The following CDH9 variants were observed in gnomAD, a reference collection of about 807,000 sequenced individuals.
CDH9 encodes cadherin 9.
CDH9 carries 28 observed loss-of-function variants against 70.9 expected under a neutral mutation model. The observed-to-expected ratio is 0.40, with a 90% confidence interval of 0.29 to 0.54. CDH9 has a LOEUF of 0.54. Ranked by LOEUF, CDH9 falls within the 20% of genes least tolerant of loss-of-function variation. The pLI, the probability that CDH9 is intolerant of heterozygous loss-of-function variation, is 0.59. For synonymous variants in CDH9, 409 were observed against 343.1 expected (o/e 1.19, Z -2.12); for missense variants, 874 against 984.4 (o/e 0.89, Z 1.50).
intron 2 of CDH9, among the ~76,000 whole-genome samples, chr5:26,974,103 G>T (rs920172070): frequency 1.3e-5 from 2 of 152,038 alleles, no homozygotes; most frequent in Admixed American, 1.3e-4. Flanking sequence ...AATTAGCCGG[G>T]CATGATAGTG....
chr5:26,967,845 T>C (rs1394027518), intron 2 of CDH9, among the ~76,000 whole-genome samples: 1 of 151,974 alleles, frequency 6.6e-6, no homozygotes, highest in Non-Finnish European at 1.5e-5. Context: ...GGACTACAGA[T>C]GTCAGGTGCC....
chr5:26,916,707 T>C (rs1741155682), intron 2 of CDH9, among the ~76,000 whole-genome samples: 1 of 152,016 alleles, frequency 6.6e-6, no homozygotes, highest in Admixed American at 6.6e-5. Flanking sequence ...GGGGAACTAC[T>C]GTAGAACATT....
chr5:26,884,502 C>T (rs1310042347), intron 11 of CDH9, among the ~76,000 whole-genome samples: 1 of 152,086 alleles, frequency 6.6e-6, no homozygotes, highest in Non-Finnish European at 1.5e-5. Flanking sequence ...AGGAGTTGAA[C>T]TCTCTAGCAG....
intron 3 of CDH9, among the ~76,000 whole-genome samples, chr5:26,914,067 A>G (rs1021897736): frequency 2.6e-5 from 4 of 152,010 alleles, no homozygotes; most frequent in African/African-American, 9.7e-5. Flanking sequence ...TTCACATTTA[A>G]AATAATTATT....
chr5:26,926,544 C>T (rs964235110), intron 2 of CDH9, among the ~76,000 whole-genome samples: 13 of 151,944 alleles, frequency 8.6e-5, no homozygotes, highest in Non-Finnish European at 1.6e-4. Context: ...TCAATGCCAT[C>T]CCCATCAAGC....
intron 7 of CDH9, among the ~76,000 whole-genome samples, chr5:26,897,212 C>T (rs62346384): frequency 0.22 from 33,370 of 151,784 alleles, 3,864 homozygotes; most frequent in South Asian, 0.36. Flanking sequence ...CAAGAACAGA[C>T]GGATTCACAG....
intron 2 of CDH9, among the ~76,000 whole-genome samples, chr5:26,958,413 TC>T (rs1383253286): frequency 6.6e-6 from 1 of 152,148 alleles, no homozygotes; most frequent in Non-Finnish European, 1.5e-5. Flanking sequence ...AACGATGACC[TC>T]CCCGTTTGCC....
intron 1 of CDH9, among the ~76,000 whole-genome samples, chr5:27,031,838 C>T (rs1249621542): frequency 1.3e-5 from 2 of 151,900 alleles, no homozygotes; most frequent in African/African-American, 4.8e-5. Context: ...TAGGTTTCAA[C>T]ATTAATCTTT....
intron 1 of CDH9, among the ~76,000 whole-genome samples, chr5:27,010,222 T>C (rs967325473): frequency 9.2e-5 from 14 of 152,132 alleles, no homozygotes; most frequent in Non-Finnish European, 1.8e-4. Context: ...ACAGCACTTA[T>C]ATCAATGTTT....
intron 1 of CDH9, among the ~76,000 whole-genome samples, chr5:27,011,960 G>C (rs1318239704): frequency 6.6e-6 from 1 of 151,720 alleles, no homozygotes; most frequent in African/African-American, 2.4e-5. Context: ...AGAAAGTCTA[G>C]AAAAAATGCT....
intron 11 of CDH9, among the ~76,000 whole-genome samples, chr5:26,885,199 T>C (rs1299778859): frequency 6.6e-6 from 1 of 152,174 alleles, no homozygotes; most frequent in African/African-American, 2.4e-5. Context: ...GTAATCTGTG[T>C]TTGAATACTA....
intron 2 of CDH9, among the ~76,000 whole-genome samples, chr5:26,969,187 A>G (rs1742177061): frequency 6.6e-6 from 1 of 152,210 alleles, no homozygotes; most frequent in African/African-American, 2.4e-5. Flanking sequence ...TTTATTGAGT[A>G]CAATAATGGA....
intron 3 of CDH9, among the ~76,000 whole-genome samples, chr5:26,910,254 T>TCTAA (rs145063001): frequency 8.1e-5 from 12 of 148,698 alleles, no homozygotes; most frequent in African/African-American, 2.9e-4. Context: ...TATCTATCTA[T>TCTAA]CTATCTATCT....
chr5:26,883,934 T>A (rs1384399142), intron 11 of CDH9, among the ~76,000 whole-genome samples: 1 of 152,146 alleles, frequency 6.6e-6, no homozygotes, highest in African/African-American at 2.4e-5. Context: ...TATGTCACTA[T>A]CTTATGAAAA....
intron 3 of CDH9, among the ~76,000 whole-genome samples, chr5:26,911,110 C>A (rs1229316014): frequency 1.3e-5 from 2 of 152,128 alleles, no homozygotes. Context: ...AGCAGAGAAT[C>A]TAGTGCAAAA....
intron 1 of CDH9, among the ~76,000 whole-genome samples, chr5:27,001,446 T>C (rs1404635382): frequency 6.6e-6 from 1 of 152,158 alleles, no homozygotes; most frequent in Non-Finnish European, 1.5e-5. Flanking sequence ...TTCAGGTTTC[T>C]TATTTTTGGT....
chr5:26,963,738 A>C (rs1205775221), intron 2 of CDH9, among the ~76,000 whole-genome samples: 2 of 152,152 alleles, frequency 1.3e-5, no homozygotes, highest in Non-Finnish European at 2.9e-5. Flanking sequence ...CTTCTTTAAA[A>C]AAAAAGATAC....
chr5:26,977,981 A>T (rs539382953), intron 2 of CDH9, among the ~76,000 whole-genome samples: 11 of 152,222 alleles, frequency 7.2e-5, no homozygotes, highest in African/African-American at 2.6e-4. Flanking sequence ...ACAAAATAAT[A>T]GCCTGCCTAG....
At chr5:26,938,854 T>C (rs965478345) in intron 2 of CDH9, among the ~76,000 whole-genome samples, 21 of 152,106 alleles carry the variant, frequency 1.4e-4, no homozygotes, top group African/African-American at 5.1e-4. Context: ...TATATAAATG[T>C]GCATCTGGTA....
Sources: gnomAD v4.1 joint callset for allele counts (sites outside exome capture counted in the v4.1 genomes callset) on GRCh38, gnomAD v4.1.1 for gene constraint, MANE v1.5 for transcripts, NCBI Gene and HGNC (gene_info 2026-07-23, HGNC 2026-07-21) for gene names.